Variants in COG4 observed in about 807,000 individuals in gnomAD.
COG4 encodes the protein component of oligomeric golgi complex 4, also known as conserved oligomeric Golgi complex subunit 4.
In COG4, 65 loss-of-function variants were observed where a neutral mutation model predicts 95.1. That is an observed-to-expected ratio of 0.68 (90% CI 0.56 to 0.84). COG4 has a LOEUF of 0.84. Among genes scored for constraint, COG4 ranks in the 40% least tolerant of loss-of-function variants. The pLI is 0.00. For synonymous variants in COG4, 421 were observed against 374.8 expected (o/e 1.12, Z -1.42); for missense variants, 1,045 against 989.1 (o/e 1.06, Z -0.76).
intron 8 of COG4, among the ~76,000 whole-genome samples, chr16:70,503,179 G>A (rs1269062903): frequency 1.3e-5 from 2 of 152,088 alleles, no homozygotes; most frequent in African/African-American, 4.8e-5. Flanking sequence ...AGCCTCCCAA[G>A]TAGCTGGGAT....
chr16:70,488,385 C>T (rs900685588), intron 13 of COG4, among the ~76,000 whole-genome samples: 2 of 152,150 alleles, frequency 1.3e-5, no homozygotes, highest in African/African-American at 4.8e-5. Flanking sequence ...CCTTGGCCTC[C>T]CAAAGTGCTG....
intron 13 of COG4, among the ~76,000 whole-genome samples, chr16:70,489,303 C>G (rs868141644): frequency 2.0e-5 from 3 of 151,158 alleles, no homozygotes; most frequent in Non-Finnish European, 4.4e-5. Flanking sequence ...ACTGCAACCT[C>G]TGCCTCCCAG....
intron 13 of COG4, among the ~76,000 whole-genome samples, chr16:70,486,083 G>GA (rs2049127937): frequency 6.6e-6 from 1 of 151,796 alleles, no homozygotes; most frequent in Non-Finnish European, 1.5e-5. Flanking sequence ...TTTTAGTAGA[G>GA]ATGGGGTTTC....
At chr16:70,521,298 C>T (rs1157637316) in intron 1 of COG4, among the ~76,000 whole-genome samples, 1 of 151,856 alleles carries the variant, frequency 6.6e-6, no homozygotes, top group African/African-American at 2.4e-5. Flanking sequence ...CTCACTGCAA[C>T]CTCCCTGCCC....
In COG4 at chr16:70,498,194, T is replaced by G. The variant is rs959404160; in HGVS notation, c.1196-139A>C. On this transcript the variant is annotated intron_variant, in intron 9 of 18. Transcript: ENST00000323786. ...TACATCGTTACAATCATGATACAGA[T>G]AGCAATTTTGAATTCTGTTTTAAAA... is the stretch of plus-strand genomic sequence containing the variant. 13 of 660,150 alleles carry G rather than the reference T, an allele frequency of 2.0e-5. 1 individual carries two copies. In the Admixed American group the frequency reaches 3.0e-4, roughly 15 times the overall value. 40.9% of individuals were successfully genotyped at this position (660,150 alleles called of 1,614,324 possible). A position where few individuals can be genotyped will look rare whatever the true frequency, so the allele number is the denominator to read the frequency against.
In COG4 at chr16:70,517,655, T is replaced by C. The variant is rs754530120; in HGVS notation, c.340A>G (p.Ser114Gly). 3.1e-6 allele frequency: 5 copies of C among 1,609,276 alleles called. No homozygotes were observed. In the African/African-American group the frequency reaches 4.0e-5, roughly 13 times the overall value. The change falls in exon 3 of 19, where the codon AGC becomes GGC. Residue 114 changes from serine to glycine, a missense_variant. Transcript: ENST00000323786. ...FTCNLAENVS[S>G]KVRQLDLAKN... The stretch of plus-strand genomic sequence containing the variant: ...GCCAGGTCAAGCTGACGAACTTTGC[T>C]GGACACATTCTCAGCCAGGTTGCAG...
At chr16:70,485,756 T>C (rs1321203730) in intron 13 of COG4, among the ~76,000 whole-genome samples, 2 of 151,148 alleles carry the variant, frequency 1.3e-5, no homozygotes, top group African/African-American at 2.4e-5. Flanking sequence ...CAGCTAATTA[T>C]TGTATTTTTG....
Position 70,482,654 on chromosome 16 carries a change from TG to T in COG4, c.1920+74del. ...GCATGGAAGGTCTAGTCTGTTCAGA[TG>T]GCTCTGCTCCCTCTAGCTGGGGCTA... is the stretch of plus-strand genomic sequence containing the variant. On this transcript the variant is annotated intron_variant, in intron 15 of 18. Transcript: ENST00000323786. 2.5e-6 allele frequency: 3 copies of T among 1,206,446 alleles called. No individual in the cohort carries two copies. The South Asian group carries it at 3.7e-5, about 15-fold the overall frequency. 74.7% of individuals were successfully genotyped at this position (1,206,446 alleles called of 1,614,324 possible). A position where few individuals can be genotyped will look rare whatever the true frequency, so the allele number is the denominator to read the frequency against.
rs968268864 is a variant in COG4 at position 70,510,033 on chromosome 16, G to GA, written c.739-13dup. On this transcript the variant is annotated splice_polypyrimidine_tract_variant and intron_variant, in intron 5 of 18. Transcript: ENST00000323786. ...GCTTTACTGGCCACCTAAAAAAGGA[G>GA]AAAACCCACACACATTCCTCAGAAA... The GA allele has an allele frequency of 6.2e-7, 1 of 1,606,878 alleles. No individual in the cohort carries two copies.
At chr16:70,508,034 C>T (rs1172977803) in intron 8 of COG4, among the ~76,000 whole-genome samples, 3 of 151,638 alleles carry the variant, frequency 2.0e-5, no homozygotes, top group Admixed American at 6.6e-5. Flanking sequence ...GATTCTCCTG[C>T]CTCAGCCTCC....
At position 70,481,086 on chromosome 16, in the gene COG4, G is replaced by C; in HGVS notation, c.2294C>G (p.Thr765Ser). The change falls in exon 19 of 19, where the codon ACC becomes AGC. Residue 765 changes from threonine to serine, a missense_variant. Coordinates refer to ENST00000323786, the MANE Select transcript of COG4 (RefSeq NM_015386.3). ...PNSGPLTWRL[T>S]PAEVRQVLAL... ...CAGCACCTGGCGCACTTCAGCAGGG[G>C]TGAGGCGCCACGTCAATGGGCCGGA... is the stretch of plus-strand genomic sequence containing the variant. 6.2e-7 allele frequency: 1 copy of C among 1,613,490 alleles called. No homozygotes were observed. The highest frequency in any genetic ancestry group is 8.5e-7 in the Non-Finnish European group (1 of 1,180,026).
At chr16:70,498,852 T>TAAA (rs1363151206) in intron 9 of COG4, among the ~76,000 whole-genome samples, 1 of 152,214 alleles carries the variant, frequency 6.6e-6, no homozygotes, top group Non-Finnish European at 1.5e-5. Context: ...ATGGCAAAGA[T>TAAA]AAAAATATAT....
chr16:70,519,106 T>C (rs1169943900), intron 2 of COG4, among the ~76,000 whole-genome samples: 2 of 149,366 alleles, frequency 1.3e-5, no homozygotes, highest in African/African-American at 2.5e-5. Context: ...AGTGGGGCCC[T>C]AGGATTTGCA....
chr16:70,514,567 A>G (rs1280831934), intron 3 of COG4, 58 bp from the exon 4 acceptor site: 5 of 1,488,200 alleles, frequency 3.4e-6, no homozygotes, highest in Non-Finnish European at 3.7e-6. Context: ...ACACCCCTCA[A>G]GAAGGTAGGG....
In COG4 at chr16:70,481,143, A is replaced by G; in HGVS notation, c.2237T>C (p.Val746Ala). 1 of 1,613,272 alleles carries G rather than the reference A, an allele frequency of 6.2e-7. No homozygotes were observed. The highest frequency in any genetic ancestry group is 1.1e-5 in the South Asian group (1 of 91,074). ...QMATILNLERVTEILDYWGPN... is the reference protein window; with the variant it reads ...QMATILNLERATEILDYWGPN... ...TCCCCAGTAATCGAGGATCTCGGTC[A>G]CCTGTGGGGAAGGACATAGAGACCA... The change falls in exon 19 of 19, where the codon GTG becomes GCG. Residue 746 changes from valine (V) to alanine (A), a missense_variant and splice_region_variant. Physicochemically the swap from Val to Ala is moderately conservative, Grantham distance 64 (BLOSUM62 0). Transcript: ENST00000323786.
At position 70,480,835 on chromosome 16, in the gene COG4, G is replaced by T. The variant is rs2048974340; in HGVS notation, c.*175C>A. 2 of 721,002 alleles carry T rather than the reference G, an allele frequency of 2.8e-6. No homozygotes were observed. The highest frequency in any genetic ancestry group is 2.3e-6 in the Non-Finnish European group (1 of 430,176). The allele number at this position is 721,002 out of a possible 1,614,324, so 44.7% of individuals were successfully genotyped here. On this transcript the variant is annotated 3_prime_UTR_variant, in exon 19 of 19. Coordinates refer to ENST00000323786, the MANE Select transcript of COG4 (RefSeq NM_015386.3). ...CTGCCCCCAGAGCATCACCTGGCCAGGTCTGAGGGCAGAGCATGGAGTGGG... is the reference window on the plus strand; with the variant it reads ...CTGCCCCCAGAGCATCACCTGGCCATGTCTGAGGGCAGAGCATGGAGTGGG...
intron 2 of COG4, 150 bp downstream of exon 2, chr16:70,519,499 A>G: frequency 1.4e-6 from 1 of 690,312 alleles, no homozygotes. Flanking sequence ...CATCAAACTA[A>G]TACCCTTAGG....
intron 13 of COG4, among the ~76,000 whole-genome samples, chr16:70,486,423 T>C (rs2049137337): frequency 6.6e-6 from 1 of 152,224 alleles, no homozygotes; most frequent in African/African-American, 2.4e-5. Flanking sequence ...TGACACTTAC[T>C]GTCTTTGAGT....
intron 2 of COG4, among the ~76,000 whole-genome samples, chr16:70,519,045 A>G (rs977745585): frequency 6.6e-6 from 1 of 151,898 alleles, no homozygotes; most frequent in Non-Finnish European, 1.5e-5. Flanking sequence ...GGCTTGTCAA[A>G]ACACATCTTC....
Sources: allele counts gnomAD v4.1 joint callset (sites outside exome capture counted in the v4.1 genomes callset), GRCh38; gene constraint gnomAD v4.1.1; transcripts MANE v1.5; gene names NCBI Gene and HGNC (gene_info 2026-07-23, HGNC 2026-07-21).